The following SEMA6D variants were observed in gnomAD, a reference collection of about 807,000 sequenced individuals.
SEMA6D encodes the protein semaphorin 6D.
A neutral mutation model predicts 106.6 loss-of-function variants in SEMA6D; 35 were observed. The ratio of observed to expected loss-of-function variants is 0.33; its 90% CI spans 0.25 to 0.44. The LOEUF is 0.44. Among genes scored for constraint, SEMA6D ranks in the 20% least tolerant of loss-of-function variants. The pLI, the probability that SEMA6D is intolerant of heterozygous loss-of-function variation, is 1.00. For synonymous variants in SEMA6D, 499 were observed against 487.7 expected (o/e 1.02, Z -0.31); for missense variants, 1,185 against 1,345.9 (o/e 0.88, Z 1.87).
chr15:47,615,140 C>A (rs748493506), intron 4 of SEMA6D, among the ~76,000 whole-genome samples: 2 of 151,814 alleles, frequency 1.3e-5, no homozygotes, highest in Non-Finnish European at 2.9e-5. Context: ...ATGTATGATT[C>A]GACCAACCAC....
chr15:47,275,552 T>C (rs1465610376), intron 1 of SEMA6D, among the ~76,000 whole-genome samples: 1 of 152,146 alleles, frequency 6.6e-6, no homozygotes, highest in Non-Finnish European at 1.5e-5. Flanking sequence ...TGATCTTTGA[T>C]GTTACTATTG....
chr15:47,359,031 T>A (rs2038698566), intron 1 of SEMA6D, among the ~76,000 whole-genome samples: 1 of 152,038 alleles, frequency 6.6e-6, no homozygotes, highest in African/African-American at 2.4e-5. Flanking sequence ...TACTATCTTT[T>A]ATGAAGTTGA....
intron 2 of SEMA6D, among the ~76,000 whole-genome samples, chr15:47,463,497 C>T (rs1496900): frequency 2.2e-4 from 33 of 152,150 alleles, no homozygotes; most frequent in African/African-American, 7.7e-4. Flanking sequence ...TTTCTCAACC[C>T]TTTGCAATGT....
chr15:47,237,127 G>T (rs960190853), intron 1 of SEMA6D, among the ~76,000 whole-genome samples: 3 of 152,174 alleles, frequency 2.0e-5, no homozygotes, highest in Non-Finnish European at 4.4e-5. Flanking sequence ...TAGGAATAAG[G>T]TTGAACTAGA....
intron 3 of SEMA6D, among the ~76,000 whole-genome samples, chr15:47,545,015 A>G (rs766228839): frequency 1.3e-5 from 2 of 152,100 alleles, no homozygotes; most frequent in South Asian, 2.1e-4. Context: ...TAAAACTACT[A>G]TAATGGGAAT....
intron 1 of SEMA6D, among the ~76,000 whole-genome samples, chr15:47,392,503 T>G (rs993320068): frequency 9.2e-6 from 1 of 109,160 alleles, no homozygotes; most frequent in African/African-American, 6.7e-5. Flanking sequence ...CTGCTGGCTT[T>G]GAAGACGGAG....
intron 3 of SEMA6D, among the ~76,000 whole-genome samples, chr15:47,563,534 C>T (rs1374050418): frequency 2.0e-5 from 3 of 152,150 alleles, no homozygotes; most frequent in African/African-American, 7.2e-5. Context: ...TCTCCACAGC[C>T]CTTCCTGAAC....
At chr15:47,487,080 G>C (rs1596127023) in intron 3 of SEMA6D, among the ~76,000 whole-genome samples, 1 of 152,298 alleles carries the variant, frequency 6.6e-6, no homozygotes, top group East Asian at 1.9e-4. Context: ...AAATCAAAGT[G>C]TGATTTTTTA....
chr15:47,241,076 G>A (rs981543935), intron 1 of SEMA6D, among the ~76,000 whole-genome samples: 1 of 152,044 alleles, frequency 6.6e-6, no homozygotes, highest in Non-Finnish European at 1.5e-5. Context: ...AGCAAGGAAG[G>A]GACCGAGCTG....
chr15:47,196,708 A>T (rs992699087), intron 1 of SEMA6D, among the ~76,000 whole-genome samples: 1 of 152,204 alleles, frequency 6.6e-6, no homozygotes, highest in African/African-American at 2.4e-5. Context: ...AAGCCCTTTC[A>T]TATTGTAAGC....
At chr15:47,355,345 G>T (rs1253188571) in intron 1 of SEMA6D, among the ~76,000 whole-genome samples, 2 of 152,118 alleles carry the variant, frequency 1.3e-5, no homozygotes, top group African/African-American at 2.4e-5. Flanking sequence ...ATTTCTTATT[G>T]TAGCTATTAT....
chr15:47,244,177 T>C (rs1467463590), intron 1 of SEMA6D, among the ~76,000 whole-genome samples: 2 of 152,144 alleles, frequency 1.3e-5, no homozygotes, highest in African/African-American at 4.8e-5. Context: ...TAAGAAGAGC[T>C]GAGGAACTTT....
intron 4 of SEMA6D, among the ~76,000 whole-genome samples, chr15:47,646,034 G>T (rs1437644688): frequency 6.6e-6 from 1 of 152,012 alleles, no homozygotes; most frequent in East Asian, 1.9e-4. Context: ...CATCTTTCTG[G>T]GTTTTTATGG....
intron 1 of SEMA6D, among the ~76,000 whole-genome samples, chr15:47,744,732 G>A (rs7495366): frequency 0.21 from 31,458 of 152,124 alleles, 3,767 homozygotes; most frequent in Middle Eastern, 0.27. Flanking sequence ...CAGCGATCGC[G>A]CACTCTCCTG....
intron 1 of SEMA6D, among the ~76,000 whole-genome samples, chr15:47,194,272 G>C (rs1429909428): frequency 1.3e-5 from 2 of 152,146 alleles, no homozygotes; most frequent in Admixed American, 6.5e-5. Context: ...AGAAGGTTAA[G>C]TTATTAACAC....
chr15:47,347,029 C>T (rs1289059639), intron 1 of SEMA6D, among the ~76,000 whole-genome samples: 2 of 152,116 alleles, frequency 1.3e-5, no homozygotes, highest in Non-Finnish European at 1.5e-5. Flanking sequence ...GCACCTCAAC[C>T]TCCCAAGTAG....
At chr15:47,266,477 A>G (rs1008380557) in intron 1 of SEMA6D, among the ~76,000 whole-genome samples, 7 of 152,058 alleles carry the variant, frequency 4.6e-5, no homozygotes, top group Non-Finnish European at 7.4e-5. Flanking sequence ...GGAGTGGGCA[A>G]AAGCCTTAAG....
chr15:47,257,793 A>G (rs1315307658), intron 1 of SEMA6D, among the ~76,000 whole-genome samples: 4 of 151,872 alleles, frequency 2.6e-5, no homozygotes, highest in African/African-American at 7.2e-5. Context: ...TGTCAACTAG[A>G]TTCTGTTGTT....
At chr15:47,738,626 A>G (rs181006668) in intron 1 of SEMA6D, among the ~76,000 whole-genome samples, 3 of 152,278 alleles carry the variant, frequency 2.0e-5, no homozygotes, top group Middle Eastern at 3.4e-3. Context: ...GCTAATTTCA[A>G]TCTTCAGCTG....
Sources: gnomAD v4.1 joint callset for allele counts (sites outside exome capture counted in the v4.1 genomes callset) on GRCh38, gnomAD v4.1.1 for gene constraint, MANE v1.5 for transcripts, NCBI Gene and HGNC (gene_info 2026-07-23, HGNC 2026-07-21) for gene names.